The following CCSER1 variants were observed in gnomAD, a reference collection of about 807,000 sequenced individuals.
CCSER1 encodes the protein coiled-coil serine rich protein 1, also known as serine-rich coiled-coil domain-containing protein 1.
CCSER1 carries 41 observed loss-of-function variants against 82.0 expected under a neutral mutation model. The observed-to-expected ratio is 0.50, with a 90% confidence interval of 0.39 to 0.65. The LOEUF is 0.65. Ranked by LOEUF, CCSER1 falls within the 30% of genes least tolerant of loss-of-function variation. The pLI, the probability that CCSER1 is intolerant of heterozygous loss-of-function variation, is 0.00. For synonymous variants in CCSER1, 414 were observed against 383.9 expected (o/e 1.08, Z -0.92); for missense variants, 1,119 against 1,064.2 (o/e 1.05, Z -0.72).
chr4:91,204,457 C>A (rs1450568152), intron 10 of CCSER1, among the ~76,000 whole-genome samples: 2 of 151,736 alleles, frequency 1.3e-5, no homozygotes, highest in Non-Finnish European at 3.0e-5. Flanking sequence ...TTGGGGAAAT[C>A]CCACCCCCCA....
intron 5 of CCSER1, among the ~76,000 whole-genome samples, chr4:90,575,987 G>A (rs28628469): frequency 0.042 from 6,419 of 151,508 alleles, 341 homozygotes; most frequent in African/African-American, 0.12. Flanking sequence ...CTTTTACTCT[G>A]GAAATGCAGT....
chr4:90,999,722 C>T (rs1241102096), intron 9 of CCSER1, among the ~76,000 whole-genome samples: 1 of 152,090 alleles, frequency 6.6e-6, no homozygotes, highest in Admixed American at 6.6e-5. Flanking sequence ...TGTGCAGAAG[C>T]TCTGTAGTTT....
intron 10 of CCSER1, among the ~76,000 whole-genome samples, chr4:91,142,577 C>G (rs933886390): frequency 2.5e-4 from 38 of 152,122 alleles, no homozygotes; most frequent in African/African-American, 8.9e-4. Flanking sequence ...AGTTTTCTTA[C>G]AGGATTTTCA....
chr4:90,145,066 G>C (rs1043538822), intron 1 of CCSER1, among the ~76,000 whole-genome samples: 2 of 151,788 alleles, frequency 1.3e-5, no homozygotes, highest in Non-Finnish European at 2.9e-5. Flanking sequence ...TAAACTTCCA[G>C]GTATCAAGTA....
chr4:91,088,015 G>A (rs1235001546), intron 10 of CCSER1, among the ~76,000 whole-genome samples: 1 of 152,054 alleles, frequency 6.6e-6, no homozygotes, highest in Non-Finnish European at 1.5e-5. Context: ...AGGACCTTGT[G>A]ATCTCACTTG....
intron 1 of CCSER1, among the ~76,000 whole-genome samples, chr4:90,143,242 C>A (rs539045040): frequency 6.6e-6 from 1 of 151,896 alleles, no homozygotes; most frequent in Admixed American, 6.6e-5. Context: ...CCATTCCTGC[C>A]GTATTAAGCC....
At chr4:91,236,587 A>C (rs958717993) in intron 10 of CCSER1, among the ~76,000 whole-genome samples, 46 of 152,204 alleles carry the variant, frequency 3.0e-4, no homozygotes, top group African/African-American at 1.1e-3. Context: ...ACTGTATTTA[A>C]AATTTTATTT....
At chr4:90,345,218 A>G (rs1333639430) in intron 3 of CCSER1, among the ~76,000 whole-genome samples, 6 of 152,112 alleles carry the variant, frequency 3.9e-5, no homozygotes, top group African/African-American at 1.4e-4. Flanking sequence ...TAGTAGGAGA[A>G]CCACCAGCAT....
chr4:90,525,723 T>C (rs1481295287), intron 5 of CCSER1, among the ~76,000 whole-genome samples: 6 of 152,052 alleles, frequency 3.9e-5, no homozygotes, highest in Admixed American at 3.3e-4. Flanking sequence ...CTCACAGCAG[T>C]CCGTAACTGG....
chr4:91,122,338 T>C (rs1727156959), intron 10 of CCSER1, among the ~76,000 whole-genome samples: 1 of 151,778 alleles, frequency 6.6e-6, no homozygotes, highest in Admixed American at 6.6e-5. Context: ...TTGATACTCA[T>C]TTGTTGAGCT....
rs117746081 is a variant in CCSER1, at chr4:91,369,030, G to T, written c.2218-229542G>T. ...ACAGTCCTTATCTTTTCTTGTAAGG[G>T]TTTTCACACTCATCATGAAGTGACT... On this transcript the variant is annotated intron_variant, in intron 10 of 10. Coordinates refer to ENST00000509176, the MANE Select transcript of CCSER1 (RefSeq NM_001145065.2). Among the ~76,000 whole-genome samples, 77 of 152,258 alleles carry T rather than the reference G, an allele frequency of 5.1e-4. No individual in the cohort carries two copies. In the East Asian group the frequency reaches 0.014, roughly 27 times the overall value.
intron 10 of CCSER1, among the ~76,000 whole-genome samples, chr4:91,455,963 G>T (rs565716023): frequency 2.0e-5 from 3 of 152,016 alleles, no homozygotes; most frequent in Non-Finnish European, 4.4e-5. Context: ...GAGGTAAACT[G>T]GAAAAGTCAT....
At chr4:91,580,880 A>G (rs560557435) in intron 10 of CCSER1, among the ~76,000 whole-genome samples, 1 of 151,762 alleles carries the variant, frequency 6.6e-6, no homozygotes, top group Non-Finnish European at 1.5e-5. Flanking sequence ...TGACAACCAT[A>G]CATCTTCATT....
chr4:90,577,656 C>T (rs1486430634), intron 5 of CCSER1, among the ~76,000 whole-genome samples: 1 of 151,738 alleles, frequency 6.6e-6, no homozygotes, highest in Non-Finnish European at 1.5e-5. Flanking sequence ...AAACTTTTTA[C>T]ATGCTGGCCT....
chr4:90,600,880 A>T (rs566279592), intron 5 of CCSER1, among the ~76,000 whole-genome samples: 137 of 151,932 alleles, frequency 9.0e-4, no homozygotes, highest in Non-Finnish European at 1.5e-3. Flanking sequence ...TTATATAAGC[A>T]ATATTTTTTA....
chr4:90,735,606 A>ACATAGTTG (rs1368920280), intron 7 of CCSER1, among the ~76,000 whole-genome samples: 2 of 152,102 alleles, frequency 1.3e-5, no homozygotes, highest in Non-Finnish European at 2.9e-5. Context: ...ATTTATTGGC[A>ACATAGTTG]CATAGTTGCT....
At chr4:90,592,289 AT>A in intron 5 of CCSER1, among the ~76,000 whole-genome samples, 1 of 152,178 alleles carries the variant, frequency 6.6e-6, no homozygotes, top group South Asian at 2.1e-4. Context: ...CATTAGAATA[AT>A]TTACCATTGT....
At chr4:91,545,605 T>C (rs982459247) in intron 10 of CCSER1, among the ~76,000 whole-genome samples, 1 of 152,162 alleles carries the variant, frequency 6.6e-6, no homozygotes, top group Non-Finnish European at 1.5e-5. Context: ...TGCCTGTTTA[T>C]AAAAACAATT....
intron 10 of CCSER1, among the ~76,000 whole-genome samples, chr4:91,126,229 T>G (rs1480837146): frequency 1.3e-5 from 2 of 151,886 alleles, no homozygotes; most frequent in Non-Finnish European, 2.9e-5. Flanking sequence ...GTTAACTCCC[T>G]GATGAGTAGG....
Sources: gnomAD v4.1 joint callset for allele counts (sites outside exome capture counted in the v4.1 genomes callset) on GRCh38, gnomAD v4.1.1 for gene constraint, MANE v1.5 for transcripts, NCBI Gene and HGNC (gene_info 2026-07-23, HGNC 2026-07-21) for gene names.